Variants in FIBCD1 observed in about 807,000 individuals in gnomAD.
FIBCD1 encodes the protein fibrinogen C domain-containing protein 1.
A neutral mutation model predicts 45.1 loss-of-function variants in FIBCD1; 47 were observed. The observed-to-expected ratio is 1.04, with a 90% confidence interval of 0.82 to 1.33. FIBCD1 has a LOEUF of 1.33. Ranked by LOEUF, FIBCD1 falls within the 40% of genes most tolerant of loss-of-function variation. FIBCD1 has a pLI of 0.00. For missense variants in FIBCD1, 653 were observed against 682.2 expected (o/e 0.96, Z 0.48); for synonymous variants, 313 against 308.1 (o/e 1.02, Z -0.17).
At position 130,938,571 on chromosome 9, in the gene FIBCD1, C is replaced by G; in HGVS notation, c.37G>C (p.Ala13Pro). 6.7e-7 allele frequency: 1 copy of G among 1,489,194 alleles called. No homozygotes were observed. The highest frequency in any genetic ancestry group is 8.9e-7 in the Non-Finnish European group (1 of 1,124,734). 92.2% of individuals were successfully genotyped at this position (1,489,194 alleles called of 1,614,324 possible). Residue 13 changes from alanine to proline, a missense_variant, in exon 1 of 7, where the codon GCC becomes CCC. Physicochemically the swap from Ala to Pro is conservative, Grantham distance 27 (BLOSUM62 -1). Transcript: ENST00000372338. The part of the protein sequence containing the change: ...NDRWKTMGGA[A>P]QLEDRPRDKP... ...TCGCGCGGCCGGTCCTCAAGTTGGG[C>G]AGCGCCGCCCATGGTCTTCCACCGG...
chr9:130,932,527 C>T (rs1832458343), intron 1 of FIBCD1, among the ~76,000 whole-genome samples: 1 of 152,344 alleles, frequency 6.6e-6, no homozygotes. Context: ...CAAACTGCTC[C>T]CTTGGCCAGC....
Position 130,904,011 on chromosome 9 carries a change from G to A in FIBCD1, c.*53C>T, listed in dbSNP as rs1831879651. The A allele has an allele frequency of 1.9e-6, 3 of 1,589,046 alleles. No homozygotes were observed. The highest frequency in any genetic ancestry group is 2.6e-6 in the Non-Finnish European group (3 of 1,168,140). On this transcript the variant is annotated 3_prime_UTR_variant, in exon 7 of 7. Coordinates refer to ENST00000372338, the MANE Select transcript of FIBCD1 (RefSeq NM_032843.5). ...GAACATTCACGAAAGAGTGAGGTGG[G>A]GTCGGGGATGGGGCGACAGGGACCA... is the stretch of plus-strand genomic sequence containing the variant.
At chr9:130,933,466 C>T (rs1300895192) in intron 1 of FIBCD1, among the ~76,000 whole-genome samples, 2 of 152,164 alleles carry the variant, frequency 1.3e-5, no homozygotes, top group East Asian at 3.9e-4. Context: ...AGCCGGGAGC[C>T]CTGGGTTCAA....
chr9:130,929,106 G>A (rs1334866662), intron 2 of FIBCD1, among the ~76,000 whole-genome samples: 1 of 152,152 alleles, frequency 6.6e-6, no homozygotes, highest in Non-Finnish European at 1.5e-5. Flanking sequence ...TGTGGGTATT[G>A]CATGGTGTGA....
chr9:130,906,844 T>C (rs192359824), intron 5 of FIBCD1, among the ~76,000 whole-genome samples: 1 of 152,360 alleles, frequency 6.6e-6, no homozygotes, highest in African/African-American at 2.4e-5. Context: ...ACAGAATCCC[T>C]GGGCGGCTCT....
intron 5 of FIBCD1, among the ~76,000 whole-genome samples, chr9:130,907,665 C>T (rs1429368120): frequency 6.6e-6 from 1 of 152,010 alleles, no homozygotes; most frequent in African/African-American, 2.4e-5. Context: ...TTTGGGAGGC[C>T]GAGACGGGCA....
At chr9:130,929,021 G>C (rs971593183) in intron 2 of FIBCD1, among the ~76,000 whole-genome samples, 2 of 152,144 alleles carry the variant, frequency 1.3e-5, no homozygotes, top group Non-Finnish European at 2.9e-5. Flanking sequence ...CAGGGGTGGG[G>C]AGGGTGGAGG....
chr9:130,937,807 C>T (rs537141870), intron 1 of FIBCD1, among the ~76,000 whole-genome samples: 1 of 152,254 alleles, frequency 6.6e-6, no homozygotes, highest in South Asian at 2.1e-4. Flanking sequence ...CTGCCCTCAC[C>T]CGCTTCCACC....
rs550474087 is a variant in FIBCD1 at position 130,911,837 on chromosome 9, C to T, written c.901G>A (p.Ala301Thr). ...AGCCTGCCAAAGCCGTCTCGGTACG[C>T]ATCCCAGCCCCGGAAGAAGTTCACG... ...GSVNFFRGWD[A>T]YRDGFGRLTG... The change falls in exon 5 of 7, where the codon GCG (alanine) becomes ACG (threonine). Residue 301 changes from alanine to threonine, a missense_variant. Ala to Thr is a moderately conservative substitution (Grantham distance 58, BLOSUM62 0). Transcript: ENST00000372338. 2.2e-5 allele frequency: 36 copies of T among 1,604,618 alleles called. No homozygotes were observed. Among genetic ancestry groups the T allele is most frequent in the South Asian group, 2.0e-4 (18 of 89,364 alleles).
intron 4 of FIBCD1, among the ~76,000 whole-genome samples, chr9:130,913,119 C>G (rs939742199): frequency 6.6e-6 from 1 of 152,154 alleles, no homozygotes; most frequent in African/African-American, 2.4e-5. Context: ...TCAGGAATCC[C>G]ATCGGTTAAA....
Position 130,930,046 on chromosome 9 carries a change from G to A in FIBCD1, c.73C>T (p.Arg25Trp), listed in dbSNP as rs1192008797. 8.7e-6 allele frequency: 13 copies of A among 1,500,622 alleles called. No individual in the cohort carries two copies. The East Asian group carries it at 9.3e-5, about 11-fold the overall frequency. The allele number at this position is 1,500,622 out of a possible 1,614,324, so 93.0% of individuals were successfully genotyped here. A position where few individuals can be genotyped will look rare whatever the true frequency, so the allele number is the denominator to read the frequency against. The change falls in exon 2 of 7, where the codon CGG becomes TGG. Residue 25 changes from arginine (R) to tryptophan (W), a missense_variant and splice_region_variant. Coordinates refer to ENST00000372338, the MANE Select transcript of FIBCD1 (RefSeq NM_032843.5). Reference sequence around the variant, plus strand: ...CACAGCACGTAGCCGCAGCTCGGCCGCTGCAGGCCCGCCCGGGACGCACAG... The same window carrying A: ...CACAGCACGTAGCCGCAGCTCGGCCACTGCAGGCCCGCCCGGGACGCACAG... ...LEDRPRDKPQ[R>W]PSCGYVLCTV... is the part of the protein sequence containing the mutation.
intron 1 of FIBCD1, among the ~76,000 whole-genome samples, chr9:130,930,956 A>G (rs1211966651): frequency 1.3e-5 from 2 of 152,132 alleles, no homozygotes; most frequent in African/African-American, 4.8e-5. Flanking sequence ...TTCCAACTGC[A>G]GCAGCCACAT....
In FIBCD1 at chr9:130,922,679, T is replaced by G. The variant is rs1042396067; in HGVS notation, c.849+1065A>C. Among the ~76,000 whole-genome samples, 3 of 152,056 alleles carry G rather than the reference T, an allele frequency of 2.0e-5. No homozygotes were observed. The highest frequency in any genetic ancestry group is 4.4e-5 in the Non-Finnish European group (3 of 67,992). On this transcript the variant is annotated intron_variant, in intron 4 of 6. Coordinates refer to ENST00000372338, the MANE Select transcript of FIBCD1 (RefSeq NM_032843.5). The surrounding 1 kb of genome is among the most constrained non-coding windows in gnomAD (Gnocchi z 4.5). ...ATGCACACCGCCAAGTCACCTCTCC[T>G]GAAGCACAGTCCCCATCCCGTCTTC... is the stretch of plus-strand genomic sequence containing the variant.
In FIBCD1 at chr9:130,929,563, C is replaced by T. The variant is rs1564340366; in HGVS notation, c.552+4G>A. 4 of 1,502,066 alleles carry T rather than the reference C, an allele frequency of 2.7e-6. No homozygotes were observed. The highest frequency in any genetic ancestry group is 1.4e-5 in the South Asian group (1 of 73,982). 93.0% of individuals were successfully genotyped at this position (1,502,066 alleles called of 1,614,324 possible). A position where few individuals can be genotyped will look rare whatever the true frequency, so the allele number is the denominator to read the frequency against. ...AGACCCCAAGATGCAGACCCCAGCC[C>T]TACCTGGATGAGGCGGCCCTGCTCA... On this transcript the variant is annotated splice_donor_region_variant and intron_variant, in intron 2 of 6. Transcript: ENST00000372338.
At chr9:130,919,681 C>T (rs1202481207) in intron 4 of FIBCD1, among the ~76,000 whole-genome samples, 2 of 152,196 alleles carry the variant, frequency 1.3e-5, no homozygotes, top group Admixed American at 1.3e-4. Flanking sequence ...TGTGAACTGG[C>T]TGACCTCGCA....
rs776666449 is a variant in FIBCD1, at chr9:130,904,283, G to A, written c.1167C>T (p.Thr389=). ...LLKHSGMRFT[T]KDRDSDHSEN... ...CTGAATGGTCGCTGTCACGGTCCTT[G>A]GTGGTGAACCTCATGCCGCTGTGCT... The change falls in exon 7 of 7, where the codon ACC becomes ACT. Residue 389 remains threonine, a synonymous_variant. Coordinates refer to ENST00000372338, the MANE Select transcript of FIBCD1 (RefSeq NM_032843.5). 1 of 1,612,590 alleles carries A rather than the reference G, an allele frequency of 6.2e-7. No homozygotes were observed. The highest frequency in any genetic ancestry group is 8.5e-7 in the Non-Finnish European group (1 of 1,179,182).
At chr9:130,928,730 G>A (rs373773289) in intron 2 of FIBCD1, among the ~76,000 whole-genome samples, 8 of 152,292 alleles carry the variant, frequency 5.3e-5, no homozygotes, top group East Asian at 3.9e-4. Context: ...CTGAGTCACC[G>A]GGAGAACGTG....
At chr9:130,933,245 T>C (rs1832467817) in intron 1 of FIBCD1, among the ~76,000 whole-genome samples, 1 of 152,170 alleles carries the variant, frequency 6.6e-6, no homozygotes, top group Non-Finnish European at 1.5e-5. Context: ...TTACGTGCCT[T>C]GCGAAGAAAT....
chr9:130,917,718 G>T (rs970980089), intron 4 of FIBCD1, among the ~76,000 whole-genome samples: 1 of 152,188 alleles, frequency 6.6e-6, no homozygotes, highest in South Asian at 2.1e-4. Flanking sequence ...CCTAGCACCC[G>T]GCCAGTGCCG....
Sources: allele counts gnomAD v4.1 joint callset (sites outside exome capture counted in the v4.1 genomes callset), GRCh38; gene constraint gnomAD v4.1.1; non-coding constraint Gnocchi (gnomAD v3.1); transcripts MANE v1.5; gene names NCBI Gene and HGNC (gene_info 2026-07-23, HGNC 2026-07-21).